ERVH48-1: variants seen among roughly 807,000 people sequenced by gnomAD.
The protein encoded by ERVH48-1 is endogenous retrovirus group 48 member 1, envelope.
A neutral mutation model predicts 2.4 loss-of-function variants in ERVH48-1; 4 were observed. The ratio of observed to expected loss-of-function variants is 1.68; its 90% CI spans 0.83 to 3.84. The LOEUF is 3.84. Among genes scored for constraint, ERVH48-1 ranks in the 30% most tolerant of loss-of-function variants. The probability of loss-of-function intolerance (pLI) is 0.01; values close to 1 mark genes in which losing one functional copy is unlikely to be tolerated. For synonymous variants in ERVH48-1, 32 were observed against 15.5 expected (o/e 2.06, Z -2.49); for missense variants, 97 against 43.4 (o/e 2.23, Z -3.47).
In ERVH48-1 at chr21:42,919,111, G is replaced by A. The variant is rs911787101; in HGVS notation, c.-105C>T. The A allele has an allele frequency of 1.7e-6, 2 of 1,192,468 alleles. No homozygotes were observed. Among genetic ancestry groups the A allele is most frequent in the Non-Finnish European group, 2.1e-6 (2 of 941,744 alleles). The allele number at this position is 1,192,468 out of a possible 1,614,324, so 73.9% of individuals were successfully genotyped here. A position where few individuals can be genotyped will look rare whatever the true frequency, so the allele number is the denominator to read the frequency against. Reference sequence around the variant, plus strand: ...AATTGGCCCAGACAAACACTTAGCTGTTAATGTTTTGGAGGAAGAAGCTGC... The same window carrying A: ...AATTGGCCCAGACAAACACTTAGCTATTAATGTTTTGGAGGAAGAAGCTGC... On this transcript the variant is annotated 5_prime_UTR_variant, in exon 2 of 2. Transcript: ENST00000447535.
chr21:42,918,115 G>T lies in ERVH48-1; in HGVS notation c.*409C>A, dbSNP rs2058794244. ...GTTAGTGGTGTTCGTACAGTACCAG[G>T]CCTTTTTTGACAAGACACAATTGAG... On this transcript the variant is annotated 3_prime_UTR_variant, in exon 2 of 2. Coordinates refer to ENST00000447535, the MANE Select transcript of ERVH48-1 (RefSeq NM_001308491.2). The T allele has an allele frequency of 1.3e-5, 3 of 224,362 alleles. No individual in the cohort carries two copies. The South Asian group carries it at 2.1e-4, about 16-fold the overall frequency. 13.9% of individuals were successfully genotyped at this position (224,362 alleles called of 1,614,324 possible).
chr21:42,924,635 T>C (rs2058815708), intron 1 of ERVH48-1, among the ~76,000 whole-genome samples: 3 of 152,176 alleles, frequency 2.0e-5, no homozygotes, highest in Admixed American at 1.3e-4. Flanking sequence ...CACTGTCCAA[T>C]TTGTACTGTG....
chr21:42,917,592 T>C lies in ERVH48-1; in HGVS notation c.*932A>G, dbSNP rs1406142781. On this transcript the variant is annotated 3_prime_UTR_variant, in exon 2 of 2. Coordinates refer to ENST00000447535, the MANE Select transcript of ERVH48-1 (RefSeq NM_001308491.2). ...CGCACCCTCTTCTGCTAATAAGTAG[T>C]CTAGGGCCAGCCTGTTTTGATAAAT... 1 of 152,200 alleles carries C rather than the reference T, an allele frequency of 6.6e-6. No individual in the cohort carries two copies. The highest frequency in any genetic ancestry group is 1.9e-4 in the East Asian group (1 of 5,206). The allele number at this position is 152,200 out of a possible 1,614,324, so 9.4% of individuals were successfully genotyped here. A position where few individuals can be genotyped will look rare whatever the true frequency, so the allele number is the denominator to read the frequency against.
chr21:42,917,573 C>A lies in ERVH48-1; in HGVS notation c.*951G>T, dbSNP rs1469625766. 2.0e-5 allele frequency: 3 copies of A among 152,186 alleles called. No individual in the cohort carries two copies. The highest frequency in any genetic ancestry group is 7.2e-5 in the African/African-American group (3 of 41,440). 9.4% of individuals were successfully genotyped at this position (152,186 alleles called of 1,614,324 possible). ...TGTTAAACTTACCACAGCCCGCACC[C>A]TCTTCTGCTAATAAGTAGTCTAGGG... is the stretch of plus-strand genomic sequence containing the variant. On this transcript the variant is annotated 3_prime_UTR_variant, in exon 2 of 2. Transcript: ENST00000447535.
chr21:42,918,555 C>T lies in ERVH48-1; in HGVS notation c.452G>A (p.Arg151Gln), dbSNP rs1251333792. The part of the protein sequence containing the change: ...KPTTPPENRP[R>Q]HFHSFIQKL ...TTTTTGTATAAAGGAATGGAAATGC[C>T]GCGGGCGATTTTCAGGGGGAGTTGT... The change falls in exon 2 of 2, where the codon CGG (arginine) becomes CAG (glutamine). Residue 151 changes from arginine (R) to glutamine (Q), a missense_variant. Transcript: ENST00000447535. The T allele has an allele frequency of 8.8e-6, 4 of 456,194 alleles. No individual in the cohort carries two copies. Among genetic ancestry groups the T allele is most frequent in the African/African-American group, 2.0e-5 (1 of 50,128 alleles). 28.3% of individuals were successfully genotyped at this position (456,194 alleles called of 1,614,324 possible). A position where few individuals can be genotyped will look rare whatever the true frequency, so the allele number is the denominator to read the frequency against.
chr21:42,918,472 C>A lies in ERVH48-1; in HGVS notation c.*52G>T. The A allele has an allele frequency of 2.4e-6, 1 of 421,830 alleles. No individual in the cohort carries two copies. 26.1% of individuals were successfully genotyped at this position (421,830 alleles called of 1,614,324 possible). Reference sequence around the variant, plus strand: ...CACATTCATGGTAAGCACAATGGTTCTCCTAGATCTACAAACAGATTTTTT... The same window carrying A: ...CACATTCATGGTAAGCACAATGGTTATCCTAGATCTACAAACAGATTTTTT... On this transcript the variant is annotated 3_prime_UTR_variant, in exon 2 of 2. Transcript: ENST00000447535.
chr21:42,925,486 G>A lies in ERVH48-1; in HGVS notation c.-426C>T, dbSNP rs576029260. The A allele has an allele frequency of 2.8e-6, 1 of 361,144 alleles. No individual in the cohort carries two copies. The highest frequency in any genetic ancestry group is 4.3e-5 in the Admixed American group (1 of 23,270). 22.4% of individuals were successfully genotyped at this position (361,144 alleles called of 1,614,324 possible). On this transcript the variant is annotated 5_prime_UTR_variant, in exon 1 of 2. Transcript: ENST00000447535. ...CTGGGGACGTGGACGGAAGCCCCTCGCAGGTTTCAGGGCCAGCCCCAAGGC... is the reference window on the plus strand; with the variant it reads ...CTGGGGACGTGGACGGAAGCCCCTCACAGGTTTCAGGGCCAGCCCCAAGGC...
chr21:42,923,136 G>A (rs1458981147), intron 1 of ERVH48-1, among the ~76,000 whole-genome samples: 3 of 152,216 alleles, frequency 2.0e-5, no homozygotes. Flanking sequence ...CCTCTGCAGA[G>A]GGGGCACGGC....
chr21:42,925,076 G>C (rs557758216), intron 1 of ERVH48-1, among the ~76,000 whole-genome samples: 1 of 152,132 alleles, frequency 6.6e-6, no homozygotes, highest in Admixed American at 6.5e-5. Flanking sequence ...CTCCCGAGTA[G>C]CTGGGATTAC....
intron 1 of ERVH48-1, among the ~76,000 whole-genome samples, chr21:42,924,560 G>A (rs2058815473): frequency 6.6e-6 from 1 of 152,176 alleles, no homozygotes; most frequent in African/African-American, 2.4e-5. Context: ...CCAGCCGTCA[G>A]CAATAATTGC....
rs1435609702 is a variant in ERVH48-1, at chr21:42,918,943, T to G, written c.64A>C (p.Ile22Leu). 5.9e-6 allele frequency: 4 copies of G among 682,856 alleles called. No homozygotes were observed. Among genetic ancestry groups the G allele is most frequent in the African/African-American group, 3.7e-5 (2 of 54,084 alleles). The allele number at this position is 682,856 out of a possible 1,614,324, so 42.3% of individuals were successfully genotyped here. Residue 22 changes from isoleucine to leucine, a missense_variant, in exon 2 of 2, where the codon ATA (isoleucine) becomes CTA (leucine). Transcript: ENST00000447535. ...AGTATTAGGATCGTGGTGAGGGATA[T>G]TCCCATATTAAGACTTTTGGTTGGA... ...SLPTKSLNMG[I>L]SLTTILILSV...
chr21:42,923,015 C>T (rs2058811167), intron 1 of ERVH48-1, among the ~76,000 whole-genome samples: 1 of 152,240 alleles, frequency 6.6e-6, no homozygotes, highest in African/African-American at 2.4e-5. Flanking sequence ...TTCCAGGGCA[C>T]TGTCAGTCTT....
At chr21:42,923,844 C>T (rs547245092) in intron 1 of ERVH48-1, among the ~76,000 whole-genome samples, 138 of 152,210 alleles carry the variant, frequency 9.1e-4, no homozygotes, top group African/African-American at 3.2e-3. Context: ...AGAGGTCATG[C>T]CAAGTTAGTT....
rs1428425461 is a variant in ERVH48-1, at chr21:42,917,104, G to A, written c.*1420C>T. 3 of 152,172 alleles carry A rather than the reference G, an allele frequency of 2.0e-5. No homozygotes were observed. Among genetic ancestry groups the A allele is most frequent in the Non-Finnish European group, 2.9e-5 (2 of 68,042 alleles). The allele number at this position is 152,172 out of a possible 1,614,324, so 9.4% of individuals were successfully genotyped here. Reference sequence around the variant, plus strand: ...CCCGCAAGCTTTCAGGCCCCGAGGAGAATCTTCCATTCCTGTCTATTTGGT... The same window carrying A: ...CCCGCAAGCTTTCAGGCCCCGAGGAAAATCTTCCATTCCTGTCTATTTGGT... On this transcript the variant is annotated 3_prime_UTR_variant, in exon 2 of 2. Coordinates refer to ENST00000447535, the MANE Select transcript of ERVH48-1 (RefSeq NM_001308491.2).
intron 1 of ERVH48-1, among the ~76,000 whole-genome samples, chr21:42,921,378 C>T (rs1212120053): frequency 6.6e-6 from 1 of 151,988 alleles, no homozygotes; most frequent in Non-Finnish European, 1.5e-5. Flanking sequence ...TGAAATATCC[C>T]GCTAGTCCTA....
rs1601232611 is a variant in ERVH48-1 at position 42,917,753 on chromosome 21, A to G, written c.*771T>C. ...ATATGGGAGTGCGATAACCCCATGA[A>G]CCATCCTCTGCCCAAGTGGCAGGAC... On this transcript the variant is annotated 3_prime_UTR_variant, in exon 2 of 2. Transcript: ENST00000447535. 1 of 152,178 alleles carries G rather than the reference A, an allele frequency of 6.6e-6. No individual in the cohort carries two copies. The highest frequency in any genetic ancestry group is 2.4e-5 in the African/African-American group (1 of 41,424). 9.4% of individuals were successfully genotyped at this position (152,178 alleles called of 1,614,324 possible). A position where few individuals can be genotyped will look rare whatever the true frequency, so the allele number is the denominator to read the frequency against.
chr21:42,924,828 G>C (rs2058816112), intron 1 of ERVH48-1, among the ~76,000 whole-genome samples: 1 of 152,194 alleles, frequency 6.6e-6, no homozygotes, highest in Non-Finnish European at 1.5e-5. Flanking sequence ...TGGACAGCCG[G>C]AGGGAGACGA....
intron 1 of ERVH48-1, among the ~76,000 whole-genome samples, chr21:42,920,564 A>G (rs1180725215): frequency 6.6e-6 from 1 of 152,196 alleles, no homozygotes; most frequent in Non-Finnish European, 1.5e-5. Context: ...ATACATGTCC[A>G]GCTGCTCGAG....
rs1402701825 is a variant in ERVH48-1 at position 42,917,190 on chromosome 21, G to A, written c.*1334C>T. On this transcript the variant is annotated 3_prime_UTR_variant, in exon 2 of 2. Transcript: ENST00000447535. ...CTACTTCAGGCGTGACATAGGGGTG[G>A]CGTGGGCACCTTGGAAAAAGAAAAA... The A allele has an allele frequency of 6.6e-6, 1 of 152,196 alleles. No homozygotes were observed. The highest frequency in any genetic ancestry group is 1.5e-5 in the Non-Finnish European group (1 of 68,038). The allele number at this position is 152,196 out of a possible 1,614,324, so 9.4% of individuals were successfully genotyped here.
Sources: allele counts gnomAD v4.1 joint callset (sites outside exome capture counted in the v4.1 genomes callset), GRCh38; gene constraint gnomAD v4.1.1; transcripts MANE v1.5; gene names NCBI Gene and HGNC (gene_info 2026-07-23, HGNC 2026-07-21).